The following SCN9A variants were observed in gnomAD, a reference collection of about 807,000 sequenced individuals.
The protein encoded by SCN9A is sodium voltage-gated channel alpha subunit 9, also known as sodium channel protein type 9 subunit alpha.
Under a neutral mutation model 187.0 loss-of-function variants are expected in SCN9A, and 131 were observed. The ratio of observed to expected loss-of-function variants is 0.70; its 90% CI spans 0.61 to 0.81. SCN9A has a LOEUF of 0.81. Among genes scored for constraint, SCN9A ranks in the 30% least tolerant of loss-of-function variants. The pLI, the probability that SCN9A is intolerant of heterozygous loss-of-function variation, is 0.00. For missense variants in SCN9A, 2,252 were observed against 2,396.6 expected, an observed-to-expected ratio of 0.94 and a Z score of 1.26; for synonymous variants, 809 against 808.6, an observed-to-expected ratio of 1.00 and a Z score of -0.01.
chr2:166,314,455 C>G lies in SCN9A; in HGVS notation c.-50-2649G>C, dbSNP rs575323599. On this transcript the variant is annotated intron_variant, in intron 1 of 26. Transcript: ENST00000642356. ...AAGTTATGACTCGGCAATTCCACTA[C>G]TTGGTACAGACTCAAGGGAATTTAA... 4.6e-5 allele frequency among the ~76,000 whole-genome samples: 7 copies of G among 152,270 alleles called. No individual in the cohort carries two copies. The East Asian group carries it at 1.3e-3, about 29-fold the overall frequency.
At chr2:166,257,158 A>G (rs1453584316) in intron 17 of SCN9A, among the ~76,000 whole-genome samples, 1 of 151,702 alleles carries the variant, frequency 6.6e-6, no homozygotes, top group Non-Finnish European at 1.5e-5. Flanking sequence ...CAGCTGGAAT[A>G]CAGTGGGTCA....
At chr2:166,365,790 A>G (rs1700399987) in intron 1 of SCN9A, among the ~76,000 whole-genome samples, 1 of 152,090 alleles carries the variant, frequency 6.6e-6, no homozygotes, top group Non-Finnish European at 1.5e-5. Context: ...ATTGTTTTTC[A>G]CAGCATATCT....
intron 11 of SCN9A, 93 bp downstream of exon 11, chr2:166,286,243 A>G: frequency 8.3e-7 from 1 of 1,206,354 alleles, no homozygotes; most frequent in South Asian, 1.6e-5. Context: ...GAAATCACTC[A>G]CTATCCTCTC....
chr2:166,348,586 T>A (rs548387911), intron 1 of SCN9A, among the ~76,000 whole-genome samples: 6 of 152,134 alleles, frequency 3.9e-5, no homozygotes, highest in African/African-American at 1.4e-4. Flanking sequence ...ACTGTCAGAG[T>A]GGTAATTAAA....
chr2:166,243,069 A>G (rs1224948989), intron 18 of SCN9A, among the ~76,000 whole-genome samples: 1 of 151,998 alleles, frequency 6.6e-6, no homozygotes, highest in East Asian at 1.9e-4. Context: ...TATGGTAAAA[A>G]CCCTCTGAAA....
intron 2 of SCN9A, among the ~76,000 whole-genome samples, chr2:166,309,991 G>A (rs1698889239): frequency 8.0e-6 from 1 of 124,340 alleles, no homozygotes; most frequent in Non-Finnish European, 1.7e-5. Context: ...AGAAAAACAA[G>A]CAATGGGGAA....
intron 1 of SCN9A, among the ~76,000 whole-genome samples, chr2:166,330,447 T>C (rs1028663955): frequency 2.0e-5 from 3 of 152,234 alleles, no homozygotes; most frequent in Admixed American, 2.0e-4. Context: ...CTAAGCACTA[T>C]GATTTAAAGT....
At chr2:166,274,297 CATCTTTGTATT>C (rs1468182281) in intron 16 of SCN9A, among the ~76,000 whole-genome samples, 1 of 152,048 alleles carries the variant, frequency 6.6e-6, no homozygotes, top group Non-Finnish European at 1.5e-5. Context: ...CCATTTGTAT[CATCTTTGTATT>C]ATCATGTTAA....
Position 166,237,692 on chromosome 2 carries a change from A to G in SCN9A, c.3801+402T>C, listed in dbSNP as rs190364256. On this transcript the variant is annotated intron_variant, in intron 20 of 26. Transcript: ENST00000642356. Reference sequence around the variant, plus strand: ...GCCCCTCATCCTCTCTTATCTTCCAATTTTACATTATGAATAATCATCATT... The same window carrying G: ...GCCCCTCATCCTCTCTTATCTTCCAGTTTTACATTATGAATAATCATCATT... 1.4e-4 allele frequency among the ~76,000 whole-genome samples: 21 copies of G among 152,138 alleles called. No individual in the cohort carries two copies. The East Asian group carries it at 3.5e-3, about 25-fold the overall frequency.
chr2:166,244,327 AAAC>A (rs1359281077), intron 18 of SCN9A, among the ~76,000 whole-genome samples: 1 of 152,048 alleles, frequency 6.6e-6, no homozygotes, highest in Non-Finnish European at 1.5e-5. Context: ...AAACATTCTG[AAAC>A]AACAATATTA....
Position 166,307,015 on chromosome 2 carries a change from T to C in SCN9A, c.318A>G (p.Leu106=), listed in dbSNP as rs903367077. ...TIFRFNATPA[L]YMLSPFSPLR... Reference sequence around the variant, plus strand: ...GAGGACTGAAAGGAGAAAGCATATATAAAGCAGGTGTGGCATTGAAACGGA... The same window carrying C: ...GAGGACTGAAAGGAGAAAGCATATACAAAGCAGGTGTGGCATTGAAACGGA... The change falls in exon 3 of 27, where the codon TTA becomes TTG. Residue 106 remains leucine, a synonymous_variant. Coordinates refer to ENST00000642356, the MANE Select transcript of SCN9A (RefSeq NM_001365536.1). 1 of 1,612,088 alleles carries C rather than the reference T, an allele frequency of 6.2e-7. No homozygotes were observed. Among genetic ancestry groups the C allele is most frequent in the Non-Finnish European group, 8.5e-7 (1 of 1,178,364 alleles).
At chr2:166,345,624 A>G (rs1699883159) in intron 1 of SCN9A, among the ~76,000 whole-genome samples, 1 of 152,120 alleles carries the variant, frequency 6.6e-6, no homozygotes, top group African/African-American at 2.4e-5. Context: ...AAACAAACAA[A>G]CATACAAACA....
At chr2:166,220,140 C>T (rs1040332292) in intron 24 of SCN9A, among the ~76,000 whole-genome samples, 1 of 152,134 alleles carries the variant, frequency 6.6e-6, no homozygotes, top group Non-Finnish European at 1.5e-5. Context: ...TAATGTGATA[C>T]ACCACATGAT....
chr2:166,252,280 T>C (rs549630255), intron 17 of SCN9A, among the ~76,000 whole-genome samples: 2 of 152,134 alleles, frequency 1.3e-5, no homozygotes, highest in Admixed American at 6.6e-5. Context: ...ATTTGCAATA[T>C]AATACAAGTG....
intron 17 of SCN9A, among the ~76,000 whole-genome samples, chr2:166,265,341 G>A (rs537052830): frequency 5.3e-5 from 8 of 151,936 alleles, no homozygotes; most frequent in African/African-American, 1.4e-4. Context: ...TTAACATAAT[G>A]TCCTCCAGGT....
intron 18 of SCN9A, 105 bp downstream of exon 18, chr2:166,251,660 G>A: frequency 8.5e-7 from 1 of 1,170,926 alleles, no homozygotes; most frequent in Non-Finnish European, 1.2e-6. Context: ...AGCATGGAAT[G>A]GAGTCTTCTG....
intron 1 of SCN9A, among the ~76,000 whole-genome samples, chr2:166,317,950 A>T (rs1228240062): frequency 6.6e-6 from 1 of 152,190 alleles, no homozygotes; most frequent in Admixed American, 6.5e-5. Context: ...GAATGTTAGA[A>T]TTTCTTTCTA....
chr2:166,311,547 C>T lies in SCN9A; in HGVS notation c.210G>A (p.Met70Ile), dbSNP rs1574913387. 2 of 1,612,382 alleles carry T rather than the reference C, an allele frequency of 1.2e-6. No homozygotes were observed. The highest frequency in any genetic ancestry group is 1.7e-6 in the Non-Finnish European group (2 of 1,179,314). ...PFIYGDIPPGMVSEPLEDLDP... is the reference protein window; with the variant it reads ...PFIYGDIPPGIVSEPLEDLDP... ...CCAAGTCCTCCAGGGGCTCTGACAC[C>T]ATGCCGGGAGGAATGTCCCCATAGA... is the stretch of plus-strand genomic sequence containing the variant. The change falls in exon 2 of 27, where the codon ATG (methionine) becomes ATA (isoleucine). Residue 70 changes from methionine (M) to isoleucine (I), a missense_variant. This residue lies in a region of SCN9A where 1,013 missense variants were observed against 997.4 expected (regional missense o/e 1.02). Coordinates refer to ENST00000642356, the MANE Select transcript of SCN9A (RefSeq NM_001365536.1).
intron 17 of SCN9A, among the ~76,000 whole-genome samples, chr2:166,271,979 T>G (rs937465554): frequency 6.6e-6 from 1 of 151,786 alleles, no homozygotes; most frequent in South Asian, 2.1e-4. Flanking sequence ...ATAAGTAAAC[T>G]AGAGTAAATG....
Sources: allele counts gnomAD v4.1 joint callset (sites outside exome capture counted in the v4.1 genomes callset), GRCh38; gene constraint gnomAD v4.1.1; regional missense constraint gnomAD v4.1.1; transcripts MANE v1.5; gene names NCBI Gene and HGNC (gene_info 2026-07-23, HGNC 2026-07-21).